TSC2: variants seen among roughly 807,000 people sequenced by gnomAD.
TSC2 encodes TSC complex subunit 2.
TSC2 carries 29 observed loss-of-function variants against 202.2 expected under a neutral mutation model. That is an observed-to-expected ratio of 0.14 (90% CI 0.11 to 0.20). The LOEUF is 0.20. TSC2 is among the 10% of genes least tolerant of loss of function. TSC2 has a pLI of 1.00. For synonymous variants in TSC2, 1,349 were observed against 1,044.0 expected (o/e 1.29, Z -5.63); for missense variants, 2,429 against 2,420.0 (o/e 1.00, Z -0.08).
chr16:2,073,136 A>G lies in TSC2; in HGVS notation c.2355+153A>G, dbSNP rs114648999. Among the ~76,000 whole-genome samples the G allele has an allele frequency of 4.5e-3, 684 of 152,328 alleles. 6 individuals are homozygous for G. Among genetic ancestry groups the G allele is most frequent in the African/African-American group, 0.016 (654 of 41,568 alleles). On this transcript the variant is annotated intron_variant, in intron 21 of 41. Transcript: ENST00000219476. ...TTCCCTGGGTGGCTGCCAGATGCCC[A>G]GAGTGGGGACATCCGATTCCCTGGT...
intron 30 of TSC2, chr16:2,080,850 G>A: frequency 5.5e-6 from 1 of 180,738 alleles, no homozygotes; most frequent in South Asian, 1.2e-4. Flanking sequence ...CTGAGGTGGG[G>A]CAGGGGCCTG....
At chr16:2,083,926 G>T in intron 33 of TSC2, 110 bp downstream of exon 33, 2 of 1,466,592 alleles carry the variant, frequency 1.4e-6, no homozygotes. Context: ...GAACTTGGGG[G>T]AGATGTTCTT....
chr16:2,053,971 C>T (rs1320339332), intron 4 of TSC2: 1 of 461,196 alleles, frequency 2.2e-6, no homozygotes, highest in African/African-American at 2.0e-5. Flanking sequence ...GCCTTGTCCT[C>T]AGTCTCTGAG....
Position 2,076,514 on chromosome 16 carries a change from G to A in TSC2, c.2766G>A (p.Leu922=), listed in dbSNP as rs772858520. The change falls in exon 25 of 42, where the codon TTG becomes TTA. Residue 922 remains leucine, a synonymous_variant. Transcript: ENST00000219476. ...ITKGLRSNVL[L]SFDDTPEKDS... ...AGGGCCTGCGGTCCAATGTCCTCTT[G>A]TCTTTTGATGACACCCCCGAGAAGG... 6 of 1,613,592 alleles carry A rather than the reference G, an allele frequency of 3.7e-6. No homozygotes were observed. In the East Asian group the frequency reaches 1.3e-4, roughly 36 times the overall value.
intron 2 of TSC2, among the ~76,000 whole-genome samples, chr16:2,049,986 G>T (rs1180253061): frequency 7.5e-6 from 1 of 132,868 alleles, no homozygotes; most frequent in East Asian, 2.2e-4. Context: ...ACCGAGTTTC[G>T]CTCTTGTCAC....
chr16:2,049,100 T>G (rs920281585), intron 2 of TSC2, among the ~76,000 whole-genome samples: 10 of 152,076 alleles, frequency 6.6e-5, no homozygotes, highest in Admixed American at 4.6e-4. Flanking sequence ...TTTATTTTTT[T>G]TTTGAGACTG....
rs768500195 is a variant in TSC2, at chr16:2,082,442, C to A, written c.3821C>A (p.Ser1274Tyr). The A allele has an allele frequency of 6.2e-7, 1 of 1,612,626 alleles. No homozygotes were observed. Among genetic ancestry groups the A allele is most frequent in the South Asian group, 1.1e-5 (1 of 91,090 alleles). ...PPLPRSNTVA[S>Y]FSSLYQSSCQ... is the part of the protein sequence containing the mutation. ...ACACGGCCTTCCCTTGCAGTGGCCT[C>A]TTTCTCCTCCCTGTACCAGTCCAGC... is the stretch of plus-strand genomic sequence containing the variant. The change falls in exon 32 of 42, where the codon TCT becomes TAT. Residue 1274 changes from serine to tyrosine, a missense_variant. Coordinates refer to ENST00000219476, the MANE Select transcript of TSC2 (RefSeq NM_000548.5).
chr16:2,065,412 CAAAAAAAAAAAAAA>C (rs369052665), intron 15 of TSC2, 93 bp from the exon 16 acceptor site: 52 of 420,692 alleles, frequency 1.2e-4, no homozygotes, highest in South Asian at 6.0e-4. Flanking sequence ...GACTCGATCT[CAAAAAAAAAAAAAA>C]AAAAAAAAAA....
At chr16:2,074,793 A>G (rs931913596) in intron 22 of TSC2, 1 of 315,438 alleles carries the variant, frequency 3.2e-6, no homozygotes, top group South Asian at 3.2e-5. Context: ...CAGGCCCTCA[A>G]TGTTGAGATG....
chr16:2,062,722 G>A (rs1033527575), intron 13 of TSC2, 122 bp downstream of exon 13: 102 of 1,159,012 alleles, frequency 8.8e-5, no homozygotes, highest in Non-Finnish European at 1.2e-4. Flanking sequence ...CCTCTGGAGA[G>A]CCCTGGCTCT....
chr16:2,048,562 C>T (rs1290479721), intron 1 of TSC2, 25 bp from the exon 2 acceptor site: 38 of 1,613,130 alleles, frequency 2.4e-5, no homozygotes, highest in Middle Eastern at 3.3e-4. Context: ...GCTCAGATGT[C>T]CCCATTCCTG....
intron 15 of TSC2, 192 bp downstream of exon 15, chr16:2,064,619 A>T: frequency 1.2e-6 from 1 of 840,856 alleles, no homozygotes; most frequent in Non-Finnish European, 1.9e-6. Flanking sequence ...GTCCTGACTG[A>T]AAGTCCTGGA....
Position 2,052,467 on chromosome 16 carries a change from G to A in TSC2, c.226-875G>A, listed in dbSNP as rs535344393. Among the ~76,000 whole-genome samples, 8 of 152,138 alleles carry A rather than the reference G, an allele frequency of 5.3e-5. No individual in the cohort carries two copies. In the East Asian group the frequency reaches 1.4e-3, roughly 26 times the overall value. On this transcript the variant is annotated intron_variant, in intron 3 of 41. Transcript: ENST00000219476. Reference sequence around the variant, plus strand: ...TGGGACTACAGGCATGCAGCACCACGCCTGGCTAAGTTTTGTATTTTTTGT... The same window carrying A: ...TGGGACTACAGGCATGCAGCACCACACCTGGCTAAGTTTTGTATTTTTTGT...
intron 36 of TSC2, 26 bp downstream of exon 36, chr16:2,085,348 GC>G (rs1395540704): frequency 3.7e-6 from 6 of 1,611,512 alleles, no homozygotes; most frequent in Non-Finnish European, 5.1e-6. Flanking sequence ...CGGCCTAGGT[GC>G]CTGGACAGGG....
In TSC2 at chr16:2,084,487, C is replaced by T. The variant is rs760230300; in HGVS notation, c.4265C>T (p.Thr1422Ile). The T allele has an allele frequency of 3.1e-6, 5 of 1,609,094 alleles. No homozygotes were observed. Among genetic ancestry groups the T allele is most frequent in the East Asian group, 2.2e-5 (1 of 44,700 alleles). The change falls in exon 34 of 42, where the codon ACC (threonine) becomes ATC (isoleucine). Residue 1422 changes from threonine (T) to isoleucine (I), a missense_variant. Coordinates refer to ENST00000219476, the MANE Select transcript of TSC2 (RefSeq NM_000548.5). ...GTTAAGGCCCGGTCACAGTCAGGGA[C>T]CCTGGACGGGGAAAGTGCTGCCTGG... is the stretch of plus-strand genomic sequence containing the variant. Reference protein sequence around the residue: ...PEVKARSQSGTLDGESAAWSA... With the variant: ...PEVKARSQSGILDGESAAWSA...
At position 2,089,397 on chromosome 16, in the gene TSC2, A is replaced by C. The variant is rs1283034920; in HGVS notation, c.*787A>C. ...AACCCTCCCTGAAGCCAGCAGCCTTAGCAGTGGGGGACATCTGCCCAGGGG... is the reference window on the plus strand; with the variant it reads ...AACCCTCCCTGAAGCCAGCAGCCTTCGCAGTGGGGGACATCTGCCCAGGGG... On this transcript the variant is annotated 3_prime_UTR_variant, in exon 42 of 42. Transcript: ENST00000219476. 2.3e-5 allele frequency: 10 copies of C among 431,076 alleles called. No individual in the cohort carries two copies. The highest frequency in any genetic ancestry group is 4.2e-5 in the Non-Finnish European group (10 of 236,054). 26.7% of individuals were successfully genotyped at this position (431,076 alleles called of 1,614,324 possible). A position where few individuals can be genotyped will look rare whatever the true frequency, so the allele number is the denominator to read the frequency against.
rs1322718501 is a variant in TSC2 at position 2,079,022 on chromosome 16, C to G, written c.2967-10C>G. 2 of 1,612,454 alleles carry G rather than the reference C, an allele frequency of 1.2e-6. No individual in the cohort carries two copies. Among genetic ancestry groups the G allele is most frequent in the Non-Finnish European group, 1.7e-6 (2 of 1,180,008 alleles). ...GGCACCCTGACCCTGGTCACGGCCT[C>G]TCCCTCCAGCAGGATACAGACGTCC... On this transcript the variant is annotated splice_polypyrimidine_tract_variant and intron_variant, in intron 26 of 41. Coordinates refer to ENST00000219476, the MANE Select transcript of TSC2 (RefSeq NM_000548.5). The surrounding 1 kb of genome is among the most constrained non-coding windows in gnomAD (Gnocchi z 4.6).
At chr16:2,077,027 C>A (rs1179316354) in intron 25 of TSC2, among the ~76,000 whole-genome samples, 1 of 152,244 alleles carries the variant, frequency 6.6e-6, no homozygotes, top group Non-Finnish European at 1.5e-5. Context: ...TGTCCCCCAC[C>A]TTCCTGCCCG....
At chr16:2,071,213 G>T (rs1310523741) in intron 17 of TSC2, among the ~76,000 whole-genome samples, 2 of 152,222 alleles carry the variant, frequency 1.3e-5, no homozygotes, top group African/African-American at 2.4e-5. Context: ...GGGGCGTGTG[G>T]TGCTGCCAGA....
Sources: allele counts gnomAD v4.1 joint callset (sites outside exome capture counted in the v4.1 genomes callset), GRCh38; gene constraint gnomAD v4.1.1; non-coding constraint Gnocchi (gnomAD v3.1); transcripts MANE v1.5; gene names NCBI Gene and HGNC (gene_info 2026-07-23, HGNC 2026-07-21).